The following KIF5B variants were observed in gnomAD, a reference collection of about 807,000 sequenced individuals.
KIF5B encodes the protein kinesin-1 heavy chain.
In KIF5B, 49 loss-of-function variants were observed where a neutral mutation model predicts 132.8. The observed-to-expected ratio is 0.37, with a 90% CI of 0.29 to 0.47. KIF5B has a LOEUF of 0.47. Among genes scored for constraint, KIF5B ranks in the 20% least tolerant of loss-of-function variants. The pLI is 1.00. For missense variants in KIF5B, 780 were observed against 1,144.0 expected, an observed-to-expected ratio of 0.68 and a Z score of 4.59; for synonymous variants, 355 against 369.4, an observed-to-expected ratio of 0.96 and a Z score of 0.45.
At chr10:32,053,020 TC>T (rs1841713279) in intron 1 of KIF5B, among the ~76,000 whole-genome samples, 1 of 152,248 alleles carries the variant, frequency 6.6e-6, no homozygotes, top group African/African-American at 2.4e-5. Context: ...GCTTCTAACA[TC>T]ATAAACTACA....
At chr10:32,025,570 T>C (rs1036009008) in intron 15 of KIF5B, among the ~76,000 whole-genome samples, 2 of 152,192 alleles carry the variant, frequency 1.3e-5, no homozygotes, top group African/African-American at 4.8e-5. Flanking sequence ...GAGATGGGAC[T>C]TCACCACTTT....
chr10:32,016,010 G>A (rs1053600531), intron 24 of KIF5B, among the ~76,000 whole-genome samples: 8 of 152,026 alleles, frequency 5.3e-5, no homozygotes, highest in African/African-American at 1.9e-4. Context: ...TAGGTGTGGT[G>A]GCGTGCACCT....
intron 20 of KIF5B, among the ~76,000 whole-genome samples, chr10:32,019,526 T>A (rs1392103216): frequency 6.6e-6 from 1 of 152,208 alleles, no homozygotes; most frequent in South Asian, 2.1e-4. Flanking sequence ...TTGTGTTAGA[T>A]CTTAAAATCT....
chr10:32,031,000 G>A, intron 14 of KIF5B, 73 bp downstream of exon 14: 1 of 1,048,310 alleles, frequency 9.5e-7, no homozygotes, highest in Non-Finnish European at 1.4e-6. Context: ...AGAAAAGTAA[G>A]TTATTTAAGT....
intron 2 of KIF5B, among the ~76,000 whole-genome samples, chr10:32,043,710 A>G (rs930189626): frequency 1.3e-5 from 2 of 152,242 alleles, no homozygotes; most frequent in African/African-American, 4.8e-5. Context: ...CAAAAGTAAC[A>G]ATTGTATCTA....
intron 17 of KIF5B, among the ~76,000 whole-genome samples, chr10:32,021,892 A>C (rs1315297812): frequency 6.6e-6 from 1 of 152,150 alleles, no homozygotes; most frequent in African/African-American, 2.4e-5. Context: ...GAATCACTGG[A>C]ACCCAGGAGG....
intron 2 of KIF5B, among the ~76,000 whole-genome samples, chr10:32,047,560 A>T (rs1462458246): frequency 6.6e-6 from 1 of 152,134 alleles, no homozygotes; most frequent in Non-Finnish European, 1.5e-5. Context: ...CCTCATCTCC[A>T]TGATGACTTT....
intron 14 of KIF5B, among the ~76,000 whole-genome samples, chr10:32,028,889 T>G (rs1237314775): frequency 6.6e-6 from 1 of 152,198 alleles, no homozygotes; most frequent in Non-Finnish European, 1.5e-5. Flanking sequence ...CTAGATTTGA[T>G]TATCACTTAT....
chr10:32,045,156 T>C (rs1841593161), intron 2 of KIF5B, among the ~76,000 whole-genome samples: 3 of 151,404 alleles, frequency 2.0e-5, no homozygotes, highest in Admixed American at 2.0e-4. Context: ...ATCAGCCTAT[T>C]ATTAAGAGAC....
chr10:32,015,715 G>T, intron 24 of KIF5B, 56 bp from the exon 25 acceptor site: 1 of 1,395,012 alleles, frequency 7.2e-7, no homozygotes, highest in South Asian at 1.3e-5. Flanking sequence ...TGACTGCAAT[G>T]ACTGTTAAGG....
rs773061566 is a variant in KIF5B, at chr10:32,022,839, A to G, written c.1914+9T>C. On this transcript the variant is annotated intron_variant, in intron 16 of 25. Transcript: ENST00000302418. ...CAAAAAAATGAATAAACTTTGTTCT[A>G]TAACATACTTGAGAGATACGAAGCT... 14 of 1,574,698 alleles carry G rather than the reference A, an allele frequency of 8.9e-6. No homozygotes were observed. In the South Asian group the frequency reaches 1.3e-4, roughly 15 times the overall value.
At chr10:32,048,948 A>G (rs1018560133) in intron 1 of KIF5B, among the ~76,000 whole-genome samples, 14 of 152,128 alleles carry the variant, frequency 9.2e-5, no homozygotes, top group Non-Finnish European at 1.5e-4. Context: ...TGCTTACTGC[A>G]GCCTCAACCT....
chr10:32,015,941 C>G (rs1223611443), intron 24 of KIF5B, among the ~76,000 whole-genome samples: 1 of 151,954 alleles, frequency 6.6e-6, no homozygotes, highest in African/African-American at 2.4e-5. Context: ...TCCAGGAATT[C>G]AAGACCAGAC....
intron 17 of KIF5B, among the ~76,000 whole-genome samples, chr10:32,021,886 C>A (rs1841268703): frequency 6.6e-6 from 1 of 152,092 alleles, no homozygotes; most frequent in African/African-American, 2.4e-5. Context: ...GCAGGAGAAT[C>A]ACTGGAACCC....
In KIF5B at chr10:32,018,347, A is replaced by T; in HGVS notation, c.2408T>A (p.Phe803Tyr). The part of the protein sequence containing the change: ...LQTLHNLRKL[F>Y]VQDLATRVKK... ...AACTCTTGTAGCCAGGTCCTGAACA[A>T]AGAGTTTGCGCAGGTTGTGTAAAGT... Residue 803 changes from phenylalanine (F) to tyrosine (Y), a missense_variant, in exon 22 of 26, where the codon TTT (phenylalanine) becomes TAT (tyrosine). Phe to Tyr is a conservative substitution (Grantham distance 22). Transcript: ENST00000302418. 1 of 1,517,298 alleles carries T rather than the reference A, an allele frequency of 6.6e-7. No individual in the cohort carries two copies. Among genetic ancestry groups the T allele is most frequent in the Non-Finnish European group, 8.8e-7 (1 of 1,137,010 alleles). The allele number at this position is 1,517,298 out of a possible 1,614,324, so 94.0% of individuals were successfully genotyped here. A position where few individuals can be genotyped will look rare whatever the true frequency, so the allele number is the denominator to read the frequency against.
chr10:32,047,387 C>T (rs1204047298), intron 2 of KIF5B, among the ~76,000 whole-genome samples: 1 of 152,030 alleles, frequency 6.6e-6, no homozygotes, highest in Non-Finnish European at 1.5e-5. Flanking sequence ...TTCTCTTGTC[C>T]CCCACTTCCC....
rs769483155 is a variant in KIF5B at position 32,024,146 on chromosome 10, C to CTTTTT, written c.1726-1115_1726-1111dup. 1.2e-3 allele frequency among the ~76,000 whole-genome samples: 84 copies of CTTTTT among 69,748 alleles called. 14 individuals are homozygous for CTTTTT. The highest frequency in any genetic ancestry group is 4.3e-3 in the African/African-American group (70 of 16,256). The allele number at this position is 69,748 out of a possible 152,430, so 45.8% of individuals were successfully genotyped here. ...TTATATCCAAAACATATGAAGAACT[C>CTTTTT]TTTTTTTTTTTTTTTTTTTTTTTTT... On this transcript the variant is annotated intron_variant, in intron 15 of 25. Coordinates refer to ENST00000302418, the MANE Select transcript of KIF5B (RefSeq NM_004521.3).
chr10:32,023,771 G>A (rs211380), intron 15 of KIF5B, among the ~76,000 whole-genome samples: 148,659 of 152,304 alleles, frequency 0.98, 72,656 homozygotes, highest in Middle Eastern at 1. Context: ...TTTAATGGAG[G>A]GAGGACAGTC....
intron 1 of KIF5B, among the ~76,000 whole-genome samples, chr10:32,053,511 G>C (rs1256286448): frequency 1.3e-5 from 2 of 151,516 alleles, no homozygotes; most frequent in African/African-American, 2.4e-5. Context: ...GATCACCTTA[G>C]GTCAGGAGTT....
Sources: gnomAD v4.1 joint callset for allele counts (sites outside exome capture counted in the v4.1 genomes callset) on GRCh38, gnomAD v4.1.1 for gene constraint, MANE v1.5 for transcripts, NCBI Gene and HGNC (gene_info 2026-07-23, HGNC 2026-07-21) for gene names.